The following CLXN variants were observed in gnomAD, a reference collection of about 807,000 sequenced individuals.
CLXN encodes calaxin.
the CLXN span, chr8:48,724,441 A>T: frequency 1.8e-5 from 4 of 222,772 alleles, no homozygotes; most frequent in Admixed American, 5.7e-5. Flanking sequence ...TAATCTCTCT[A>T]TTCATTTAAT....
chr8:48,724,900 AG>A, the CLXN span: 2 of 947,120 alleles, frequency 2.1e-6, no homozygotes, highest in African/African-American at 3.3e-5. Context: ...AGGATAACTG[AG>A]GGTTAGTGGG....
chr8:48,729,177 C>G, the CLXN span: 1 of 1,529,562 alleles, frequency 6.5e-7, no homozygotes, highest in South Asian at 1.2e-5. Flanking sequence ...TTAGGCAACA[C>G]GTAAAATGAT....
the CLXN span, among the ~76,000 whole-genome samples, chr8:48,727,683 C>G: frequency 6.6e-6 from 1 of 152,094 alleles, no homozygotes; most frequent in Non-Finnish European, 1.5e-5. Context: ...CTTCAGAACC[C>G]TCTGGGGGGT....
the CLXN span, among the ~76,000 whole-genome samples, chr8:48,732,384 T>C: frequency 2.0e-5 from 3 of 152,106 alleles, no homozygotes; most frequent in Non-Finnish European, 2.9e-5. Context: ...CATCTAGGAA[T>C]GGAAAAATCA....
chr8:48,717,246 T>A, the CLXN span, among the ~76,000 whole-genome samples: 5 of 152,242 alleles, frequency 3.3e-5, no homozygotes, highest in Middle Eastern at 6.8e-3. Flanking sequence ...AATCAAATTG[T>A]CAGAAGTCAA....
the CLXN span, chr8:48,731,541 TAATCTTTAAGTTCTAACTTAAA>T: frequency 6.5e-7 from 1 of 1,527,174 alleles, no homozygotes; most frequent in South Asian, 1.3e-5. Flanking sequence ...AATGAACCCT[TAATCTTTAAGTTCTAACTTAAA>T]TTTTGCAATA....
chr8:48,730,685 A>C, the CLXN span: 3 of 1,153,028 alleles, frequency 2.6e-6, no homozygotes, highest in South Asian at 4.2e-5. Context: ...GTCCTGCATA[A>C]TAACTCTCAG....
chr8:48,727,030 T>C, the CLXN span, among the ~76,000 whole-genome samples: 4 of 147,110 alleles, frequency 2.7e-5, no homozygotes, highest in Non-Finnish European at 6.0e-5. Flanking sequence ...CATCCATCCA[T>C]CCATTCATCC....
At chr8:48,729,121 G>A in the CLXN span, 1 of 1,613,390 alleles carries the variant, frequency 6.2e-7, no homozygotes, top group South Asian at 1.1e-5. Flanking sequence ...GTCTGCAAAA[G>A]ACAGCTTCCC....
At chr8:48,731,123 G>C in the CLXN span, among the ~76,000 whole-genome samples, 1 of 151,972 alleles carries the variant, frequency 6.6e-6, no homozygotes, top group Non-Finnish European at 1.5e-5. Flanking sequence ...TCTGATATAA[G>C]GTAAGAGAAA....
At chr8:48,729,889 A>T in the CLXN span, 1 of 1,596,832 alleles carries the variant, frequency 6.3e-7, no homozygotes, top group African/African-American at 1.3e-5. Context: ...AGAAAATAAC[A>T]AATCATGAAT....
chr8:48,728,851 A>C, the CLXN span, among the ~76,000 whole-genome samples: 2 of 152,222 alleles, frequency 1.3e-5, no homozygotes, highest in Non-Finnish European at 2.9e-5. Context: ...GAGTTAATGA[A>C]TGAAACACAG....
the CLXN span, among the ~76,000 whole-genome samples, chr8:48,733,619 C>T: frequency 3.3e-5 from 5 of 152,104 alleles, no homozygotes; most frequent in East Asian, 3.8e-4. Context: ...ATGTCCATGA[C>T]GTATAACTAT....
At chr8:48,735,096 T>C in the CLXN span, 4 of 1,614,166 alleles carry the variant, frequency 2.5e-6, no homozygotes, top group Admixed American at 6.7e-5. Context: ...TTACTTACAA[T>C]GCTTGCAATT....
the CLXN span, among the ~76,000 whole-genome samples, chr8:48,712,659 T>G: frequency 6.6e-6 from 1 of 152,108 alleles, no homozygotes; most frequent in Non-Finnish European, 1.5e-5. Flanking sequence ...CCAGCCTCAT[T>G]AAGGATGCCT....
At chr8:48,730,021 A>C in the CLXN span, 1 of 590,808 alleles carries the variant, frequency 1.7e-6, no homozygotes, top group South Asian at 2.8e-5. Context: ...AACGTATACT[A>C]GGATATATAC....
At chr8:48,723,231 A>G in the CLXN span, among the ~76,000 whole-genome samples, 1 of 152,238 alleles carries the variant, frequency 6.6e-6, no homozygotes, top group African/African-American at 2.4e-5. Context: ...ATACAAATAT[A>G]AAAACATCAA....
chr8:48,725,328 G>A, the CLXN span, among the ~76,000 whole-genome samples: 1 of 152,208 alleles, frequency 6.6e-6, no homozygotes, highest in Non-Finnish European at 1.5e-5. Context: ...AGGAAGAAGT[G>A]ATAGTAGTTA....
At chr8:48,729,907 T>TATCA in the CLXN span, 1 of 1,578,614 alleles carries the variant, frequency 6.3e-7, no homozygotes, top group Non-Finnish European at 8.6e-7. Context: ...AATTTGATGC[T>TATCA]ATCAGTAAGG....
Sources: allele counts gnomAD v4.1 joint callset (sites outside exome capture counted in the v4.1 genomes callset), GRCh38; gene constraint gnomAD v4.1.1; transcripts MANE v1.5; gene names NCBI Gene and HGNC (gene_info 2026-07-23, HGNC 2026-07-21).